PDE12: variants seen among roughly 807,000 people sequenced by gnomAD.
PDE12 encodes phosphodiesterase 12.
PDE12 carries 26 observed loss-of-function variants against 45.4 expected under a neutral mutation model. The ratio of observed to expected loss-of-function variants is 0.57; its 90% CI spans 0.42 to 0.79. PDE12 has a LOEUF of 0.79. Ranked by LOEUF, PDE12 falls within the 30% of genes least tolerant of loss-of-function variation. PDE12 has a pLI of 0.00. For synonymous variants in PDE12, 283 were observed against 323.9 expected (o/e 0.87, Z 1.36); for missense variants, 668 against 790.0 (o/e 0.85, Z 1.85).
At chr3:57,606,181 G>A in the PDE12 span, among the ~76,000 whole-genome samples, 1 of 152,252 alleles carries the variant, frequency 6.6e-6, no homozygotes, top group East Asian at 1.9e-4. Context: ...ATATCAAAGT[G>A]TATTGCTATC....
At chr3:57,603,122 G>A in the PDE12 span, among the ~76,000 whole-genome samples, 1 of 151,716 alleles carries the variant, frequency 6.6e-6, no homozygotes, top group Admixed American at 6.6e-5. Context: ...AGCCAAGATC[G>A]TGCCACTGCA....
At chr3:57,616,464 GAGAAAGAAGGAAGA>G in the PDE12 span, among the ~76,000 whole-genome samples, 1 of 149,822 alleles carries the variant, frequency 6.7e-6, no homozygotes, top group South Asian at 2.1e-4. Flanking sequence ...GTAGGAGGAG[GAGAAAGAAGGAAGA>G]AGAAAGAAGG....
At chr3:57,559,526 A>G in intron 2 of PDE12, 36 bp from the exon 3 acceptor site, 1 of 1,570,418 alleles carries the variant, frequency 6.4e-7, no homozygotes, top group Non-Finnish European at 8.6e-7. Flanking sequence ...AGACAACTTT[A>G]AAAAATACTT....
chr3:57,615,008 T>A, the PDE12 span, among the ~76,000 whole-genome samples: 1 of 151,394 alleles, frequency 6.6e-6, no homozygotes, highest in East Asian at 2.0e-4. Context: ...AAAAAAAAGT[T>A]TTTTTTATGG....
chr3:57,573,384 ATTTAAGGCATAGTTTACT>A, the PDE12 span, among the ~76,000 whole-genome samples: 1 of 152,152 alleles, frequency 6.6e-6, no homozygotes. Context: ...AACAATTTAC[ATTTAAGGCATAGTTTACT>A]TTTATTAATT....
the PDE12 span, chr3:57,597,424 C>A: frequency 3.5e-6 from 1 of 288,224 alleles, no homozygotes; most frequent in Non-Finnish European, 6.7e-6. Context: ...CAGCAGCGGC[C>A]CGGCCCCTCC....
At chr3:57,568,228 C>T (rs915043949), downstream of PDE12, among the ~76,000 whole-genome samples, 1 of 151,896 alleles carries the variant, frequency 6.6e-6, no homozygotes, top group Admixed American at 6.6e-5. Context: ...CTTTGGGAGG[C>T]CTAGGTGGGT....
At chr3:57,601,400 C>T in the PDE12 span, among the ~76,000 whole-genome samples, 7 of 151,924 alleles carry the variant, frequency 4.6e-5, no homozygotes, top group East Asian at 5.8e-4. Flanking sequence ...TGAGCCACCG[C>T]GCCCAGCCTC....
chr3:57,626,742 C>T, the PDE12 span: 1 of 152,048 alleles, frequency 6.6e-6, no homozygotes, highest in South Asian at 2.1e-4. Context: ...GTAGGATACT[C>T]TTATTCAAAC....
chr3:57,646,787 A>C, the PDE12 span, among the ~76,000 whole-genome samples: 1 of 152,202 alleles, frequency 6.6e-6, no homozygotes, highest in African/African-American at 2.4e-5. Flanking sequence ...TTCAATCCTA[A>C]ATATTTTTAA....
At chr3:57,567,494 T>G (rs1374368934), downstream of PDE12, among the ~76,000 whole-genome samples, 1 of 152,184 alleles carries the variant, frequency 6.6e-6, no homozygotes, top group African/African-American at 2.4e-5. Flanking sequence ...TATTCATTTC[T>G]CACAATCTTA....
chr3:57,590,132 TAAAAC>T, the PDE12 span, among the ~76,000 whole-genome samples: 1 of 136,226 alleles, frequency 7.3e-6, no homozygotes, highest in African/African-American at 2.7e-5. Flanking sequence ...AATAAATAAA[TAAAAC>T]AAAAAACAAA....
the PDE12 span, among the ~76,000 whole-genome samples, chr3:57,578,060 A>G: frequency 3.3e-5 from 5 of 152,050 alleles, no homozygotes; most frequent in African/African-American, 9.7e-5. Flanking sequence ...CAAAAAACAA[A>G]CAAAAAAACC....
Position 57,560,722 on chromosome 3 carries a change from A to C in PDE12, c.*718A>C, listed in dbSNP as rs2069720647. On this transcript the variant is annotated 3_prime_UTR_variant, in exon 3 of 3. Transcript: ENST00000311180. ...CTTAATTTTTCTTTCATGACAACAC[A>C]TTCCAAAATGAATCATGCTTATGTA... The C allele has an allele frequency of 1.0e-6, 1 of 984,066 alleles. No individual in the cohort carries two copies. The highest frequency in any genetic ancestry group is 1.7e-5 in the African/African-American group (1 of 57,200). 61.0% of individuals were successfully genotyped at this position (984,066 alleles called of 1,614,324 possible). A position where few individuals can be genotyped will look rare whatever the true frequency, so the allele number is the denominator to read the frequency against.
chr3:57,634,655 A>C, the PDE12 span: 1 of 1,483,032 alleles, frequency 6.7e-7, no homozygotes, highest in Non-Finnish European at 9.0e-7. Flanking sequence ...AAACAAAAAA[A>C]CCCAAGTACC....
At position 57,556,542 on chromosome 3, in the gene PDE12, T is replaced by G; in HGVS notation, c.163T>G (p.Leu55Val). ...ACCCAAGCTGAGCCTGTCATTCGCTTTGGCTGATGGTAGCCACAAGAACAT... is the reference window on the plus strand; with the variant it reads ...ACCCAAGCTGAGCCTGTCATTCGCTGTGGCTGATGGTAGCCACAAGAACAT... The part of the protein sequence containing the change: ...SEPKLSLSFA[L>V]ADGSHKNMQR... The change falls in exon 1 of 3, where the codon TTG becomes GTG. Residue 55 changes from leucine (L) to valine (V), a missense_variant. By Grantham distance (32) the Leu-to-Val change is conservative. Around this residue, in one of 3 missense-constraint regions of PDE12, gnomAD observed 580 missense variants for 662.9 expected, o/e 0.87. Transcript: ENST00000311180. This position sits in a 1 kb window ranked among gnomAD's most constrained non-coding sequence, Gnocchi z 5.0. 1 of 1,613,582 alleles carries G rather than the reference T, an allele frequency of 6.2e-7. No homozygotes were observed. The highest frequency in any genetic ancestry group is 8.5e-7 in the Non-Finnish European group (1 of 1,179,996).
rs923517494 is a variant in PDE12, at chr3:57,559,390, T to A, written c.1387+2T>A. The A allele has an allele frequency of 3.1e-6, 5 of 1,607,418 alleles. No individual in the cohort carries two copies. The African/African-American group carries it at 6.7e-5, about 22-fold the overall frequency. Reference sequence around the variant, plus strand: ...CCCATCTTTACTGGCATCCTAAAGGTAGGTTTTATTTGGTATCACAAGTGA... The same window carrying A: ...CCCATCTTTACTGGCATCCTAAAGGAAGGTTTTATTTGGTATCACAAGTGA... On this transcript the variant is annotated splice_donor_variant, in intron 2 of 2. Coordinates refer to ENST00000311180, the MANE Select transcript of PDE12 (RefSeq NM_177966.7). LOFTEE classifies it high-confidence loss of function.
chr3:57,610,674 A>G, the PDE12 span, among the ~76,000 whole-genome samples: 1 of 152,310 alleles, frequency 6.6e-6, no homozygotes, highest in East Asian at 1.9e-4. Context: ...AATCCAACTT[A>G]CAAGGGATGT....
the PDE12 span, chr3:57,641,532 C>A: frequency 2.9e-6 from 2 of 685,334 alleles, no homozygotes; most frequent in South Asian, 3.4e-5. Context: ...GGAAATTATA[C>A]CCTTCTCCAA....
Sources: gnomAD v4.1 joint callset for allele counts (sites outside exome capture counted in the v4.1 genomes callset) on GRCh38, gnomAD v4.1.1 for gene constraint, gnomAD v4.1.1 regional missense constraint, Gnocchi (gnomAD v3.1) non-coding constraint, MANE v1.5 for transcripts, NCBI Gene and HGNC (gene_info 2026-07-23, HGNC 2026-07-21) for gene names.